The following ACTR3B variants were observed in gnomAD, a reference collection of about 807,000 sequenced individuals.
ACTR3B encodes the protein actin-related protein 3B.
ACTR3B carries 8 observed loss-of-function variants against 59.0 expected under a neutral mutation model. That is an observed-to-expected ratio of 0.14 (90% CI 0.08 to 0.24). The LOEUF is 0.24. Among genes scored for constraint, ACTR3B ranks in the 10% least tolerant of loss-of-function variants. The pLI is 1.00. For synonymous variants in ACTR3B, 148 were observed against 197.9 expected (o/e 0.75, Z 2.12); for missense variants, 245 against 552.3 (o/e 0.44, Z 5.58).
intron 9 of ACTR3B, among the ~76,000 whole-genome samples, chr7:152,833,766 G>A (rs1236156095): frequency 6.6e-6 from 1 of 152,136 alleles, no homozygotes; most frequent in African/African-American, 2.4e-5. Context: ...GTTTATAATG[G>A]TATGTGCTGT....
chr7:152,769,908 A>T lies in ACTR3B; in HGVS notation c.44+9982A>T, dbSNP rs535624829. 1.4e-4 allele frequency among the ~76,000 whole-genome samples: 21 copies of T among 151,738 alleles called. No homozygotes were observed. The South Asian group carries it at 4.1e-3, about 30-fold the overall frequency. On this transcript the variant is annotated intron_variant, in intron 1 of 11. Transcript: ENST00000256001. ...AAGCCTTTTACTTCTAATTAAAAAAATTATTAGTAGTCAACAAATTTATTA... is the reference window on the plus strand; with the variant it reads ...AAGCCTTTTACTTCTAATTAAAAAATTTATTAGTAGTCAACAAATTTATTA...
intron 5 of ACTR3B, among the ~76,000 whole-genome samples, chr7:152,816,038 CTGGGATGAAGG>C (rs1267868955): frequency 6.6e-6 from 1 of 151,834 alleles, no homozygotes; most frequent in Non-Finnish European, 1.5e-5. Flanking sequence ...CTGCGACCTT[CTGGGATGAAGG>C]GATCCTCCCA....
At chr7:152,794,726 C>T (rs946762180) in intron 2 of ACTR3B, among the ~76,000 whole-genome samples, 6 of 151,764 alleles carry the variant, frequency 4.0e-5, no homozygotes, top group African/African-American at 1.5e-4. Flanking sequence ...TTATCTATTT[C>T]TACAGATCAC....
intron 2 of ACTR3B, among the ~76,000 whole-genome samples, chr7:152,784,995 A>G (rs1235812909): frequency 6.6e-6 from 1 of 152,118 alleles, no homozygotes; most frequent in Admixed American, 6.5e-5. Flanking sequence ...TGTGAATTTC[A>G]TTAATGTGAA....
At position 152,790,686 on chromosome 7, in the gene ACTR3B, T is replaced by C. The variant is rs1590262162; in HGVS notation, c.100+7444T>C. On this transcript the variant is annotated intron_variant, in intron 2 of 11. Transcript: ENST00000256001. ...ATAAAATGAGTTTGTTAGCTTTCTT[T>C]TTTTATTCTCTGGAACAGTTTGCAT... is the stretch of plus-strand genomic sequence containing the variant. Among the ~76,000 whole-genome samples the C allele has an allele frequency of 2.6e-5, 4 of 152,266 alleles. No individual in the cohort carries two copies. The East Asian group carries it at 5.8e-4, about 22-fold the overall frequency.
chr7:152,768,835 T>G (rs1378926372), intron 1 of ACTR3B, among the ~76,000 whole-genome samples: 2 of 151,868 alleles, frequency 1.3e-5, no homozygotes, highest in East Asian at 3.9e-4. Flanking sequence ...ACCTTATTAA[T>G]TATGTTATTT....
chr7:152,797,723 A>G lies in ACTR3B; in HGVS notation c.101-2808A>G, dbSNP rs554434619. Among the ~76,000 whole-genome samples, 9 of 152,138 alleles carry G rather than the reference A, an allele frequency of 5.9e-5. No individual in the cohort carries two copies. In the East Asian group the frequency reaches 1.4e-3, roughly 23 times the overall value. On this transcript the variant is annotated intron_variant, in intron 2 of 11. Coordinates refer to ENST00000256001, the MANE Select transcript of ACTR3B (RefSeq NM_020445.6). ...CTCAGCCCCCTGTAACCACCATTCT[A>G]TAGCCTACCTCTATGAGATCAACTT... is the stretch of plus-strand genomic sequence containing the variant.
chr7:152,820,278 C>G, intron 6 of ACTR3B, 21 bp from the exon 7 acceptor site: 1 of 1,574,596 alleles, frequency 6.4e-7, no homozygotes, highest in East Asian at 2.3e-5. Flanking sequence ...CACAGCTGTT[C>G]TGCCTCCTCT....
At chr7:152,852,313 TC>T in intron 10 of ACTR3B, 62 bp downstream of exon 10, 1 of 1,538,266 alleles carries the variant, frequency 6.5e-7, no homozygotes, top group Non-Finnish European at 8.7e-7. Flanking sequence ...ACCGGGGCCC[TC>T]CTGACACAGA....
intron 1 of ACTR3B, among the ~76,000 whole-genome samples, chr7:152,768,469 G>A (rs534785023): frequency 1.5e-4 from 23 of 152,046 alleles, no homozygotes; most frequent in Non-Finnish European, 2.8e-4. Flanking sequence ...GAGGGTTTGC[G>A]AATGTTCTTT....
chr7:152,850,182 C>G (rs1798683232), intron 9 of ACTR3B, among the ~76,000 whole-genome samples: 1 of 151,182 alleles, frequency 6.6e-6, no homozygotes, highest in Non-Finnish European at 1.5e-5. Flanking sequence ...AGGTGGAAGA[C>G]CAGATCACTG....
chr7:152,781,471 GA>G (rs1480697697), intron 1 of ACTR3B, among the ~76,000 whole-genome samples: 1 of 152,060 alleles, frequency 6.6e-6, no homozygotes, highest in Non-Finnish European at 1.5e-5. Flanking sequence ...ATATAACCAT[GA>G]GAAAGGACCC....
chr7:152,845,255 C>T (rs1798179174), intron 9 of ACTR3B, among the ~76,000 whole-genome samples: 2 of 152,078 alleles, frequency 1.3e-5, no homozygotes, highest in Non-Finnish European at 2.9e-5. Flanking sequence ...ATTTTTTGCC[C>T]TTTTTCTGTC....
chr7:152,766,826 G>A (rs1008352191), intron 1 of ACTR3B, among the ~76,000 whole-genome samples: 2 of 151,700 alleles, frequency 1.3e-5, no homozygotes, highest in African/African-American at 4.8e-5. Context: ...TCACTCTGTT[G>A]CCCATGCTAG....
At position 152,761,079 on chromosome 7, in the gene ACTR3B, T is replaced by G. The variant is rs144578895; in HGVS notation, c.44+1153T>G. Among the ~76,000 whole-genome samples, 72 of 152,334 alleles carry G rather than the reference T, an allele frequency of 4.7e-4. 1 individual carries two copies. The highest frequency in any genetic ancestry group is 1.6e-3 in the African/African-American group (67 of 41,586). ...TCTCCTACTGTTAGTTCCTTCCTTT[T>G]GCTGCTGAAGCGACCAGAAGTGGTT... is the stretch of plus-strand genomic sequence containing the variant. On this transcript the variant is annotated intron_variant, in intron 1 of 11. Transcript: ENST00000256001.
chr7:152,791,015 CTT>C (rs540702221), intron 2 of ACTR3B, among the ~76,000 whole-genome samples: 27 of 138,428 alleles, frequency 2.0e-4, no homozygotes, highest in Admixed American at 2.9e-4. Flanking sequence ...AATAATTGTT[CTT>C]TTTTTTTTTT....
In ACTR3B at chr7:152,811,111, T is replaced by A. The variant is rs1422832815; in HGVS notation, c.337-3439T>A. 6 of 149,212 alleles carry A rather than the reference T, an allele frequency of 4.0e-5. No homozygotes were observed. The East Asian group carries it at 7.8e-4, about 19-fold the overall frequency. The allele number at this position is 149,212 out of a possible 1,614,324, so 9.2% of individuals were successfully genotyped here. ...ATCTTCTGATACAGACAATGTTGAC[T>A]TTTTACCTTTCCAAGCTACTTTGTT... On this transcript the variant is annotated intron_variant, in intron 4 of 11. Coordinates refer to ENST00000256001, the MANE Select transcript of ACTR3B (RefSeq NM_020445.6).
intron 9 of ACTR3B, 48 bp from the exon 10 acceptor site, chr7:152,852,078 G>A (rs1451192125): frequency 6.2e-7 from 1 of 1,613,480 alleles, no homozygotes; most frequent in Admixed American, 1.7e-5. Context: ...TCCCGGAACT[G>A]TGGGCGGGCG....
At chr7:152,845,912 T>C (rs1436943171) in intron 9 of ACTR3B, among the ~76,000 whole-genome samples, 8 of 152,242 alleles carry the variant, frequency 5.3e-5, no homozygotes, top group Admixed American at 2.0e-4. Context: ...TTATTTTTAG[T>C]GTAGGAAACA....
Sources: allele counts gnomAD v4.1 joint callset (sites outside exome capture counted in the v4.1 genomes callset), GRCh38; gene constraint gnomAD v4.1.1; transcripts MANE v1.5; gene names NCBI Gene and HGNC (gene_info 2026-07-23, HGNC 2026-07-21).